ARFGAP1: variants seen among roughly 807,000 people sequenced by gnomAD.
The protein encoded by ARFGAP1 is ARF GTPase activating protein 1.
ARFGAP1 carries 26 observed loss-of-function variants against 54.0 expected under a neutral mutation model. The observed-to-expected ratio is 0.48, with a 90% CI of 0.35 to 0.67. The LOEUF (loss-of-function observed/expected upper bound fraction) is 0.67, where lower values mean the gene tolerates loss of function less well. Ranked by LOEUF, ARFGAP1 falls within the 30% of genes least tolerant of loss-of-function variation. ARFGAP1 has a pLI of 0.00. For missense variants in ARFGAP1, 525 were observed against 535.8 expected, an observed-to-expected ratio of 0.98 and a Z score of 0.20; for synonymous variants, 248 against 211.9, an observed-to-expected ratio of 1.17 and a Z score of -1.48.
In ARFGAP1 at chr20:63,278,902, C is replaced by G. The variant is rs775156874; in HGVS notation, c.534C>G (p.Ala178=). 1 of 1,614,138 alleles carries G rather than the reference C, an allele frequency of 6.2e-7. No homozygotes were observed. ...LNDDLGSYQG[A]QGNRYVGFGN... The stretch of plus-strand genomic sequence containing the variant: ...CTCTTGTCCGCTTTGTTTTCAGGGC[C>G]CAGGGGAATCGCTACGTGGGGTTTG... The change falls in exon 7 of 13, where the codon GCC becomes GCG. Residue 178 remains alanine (A), a synonymous_variant. Transcript: ENST00000370283.
chr20:63,277,330 G>C, intron 5 of ARFGAP1, 25 bp downstream of exon 5: 1 of 1,596,726 alleles, frequency 6.3e-7, no homozygotes, highest in Non-Finnish European at 8.5e-7. Flanking sequence ...TGGGGCCTTA[G>C]TACAGTTTCC....
chr20:63,287,584 A>G lies in ARFGAP1; in HGVS notation c.932A>G (p.Tyr311Cys), dbSNP rs1353157392. The G allele has an allele frequency of 2.5e-6, 4 of 1,595,396 alleles. No individual in the cohort carries two copies. The African/African-American group carries it at 4.0e-5, about 16-fold the overall frequency. The change falls in exon 13 of 13, where the codon TAT becomes TGT. Residue 311 changes from tyrosine (Y) to cysteine (C), a missense_variant. Tyr to Cys is a radical substitution (Grantham distance 194). Around this residue, in one of 3 missense-constraint regions of ARFGAP1, gnomAD observed 466 missense variants for 453.6 expected, o/e 1.03. Coordinates refer to ENST00000370283, the MANE Select transcript of ARFGAP1 (RefSeq NM_018209.4). Reference protein sequence around the residue: ...PLDSPSEGHSYQNSGLDHFQN... With the variant: ...PLDSPSEGHSCQNSGLDHFQN... Reference sequence around the variant, plus strand: ...AAAAGCCCCTCGGAGGGCCACAGTTATCAGAACAGCGGTCTGGACCACTTC... The same window carrying G: ...AAAAGCCCCTCGGAGGGCCACAGTTGTCAGAACAGCGGTCTGGACCACTTC...
chr20:63,282,898 T>C (rs763028494), intron 9 of ARFGAP1, 47 bp downstream of exon 9: 3 of 1,608,726 alleles, frequency 1.9e-6, no homozygotes, highest in Non-Finnish European at 2.6e-6. Context: ...GAAACTATCC[T>C]GAGTCTGACG....
intron 4 of ARFGAP1, among the ~76,000 whole-genome samples, 194 bp from the exon 5 acceptor site, chr20:63,277,011 C>G (rs935369195): frequency 6.6e-6 from 1 of 152,166 alleles, no homozygotes; most frequent in African/African-American, 2.4e-5. Context: ...CACTGTTGTT[C>G]ATTGTAAAGT....
At chr20:63,284,430 C>A (rs940251995) in intron 9 of ARFGAP1, 2 of 1,081,728 alleles carry the variant, frequency 1.8e-6, no homozygotes, top group African/African-American at 3.3e-5. Context: ...TCAGCAGCTT[C>A]TTCCTATGGC....
Position 63,278,265 on chromosome 20 carries a change from G to C in ARFGAP1, c.530+62G>C, listed in dbSNP as rs774106602. The C allele has an allele frequency of 3.2e-6, 5 of 1,566,390 alleles. No individual in the cohort carries two copies. In the South Asian group the frequency reaches 5.6e-5, roughly 17 times the overall value. On this transcript the variant is annotated intron_variant, in intron 6 of 12. Coordinates refer to ENST00000370283, the MANE Select transcript of ARFGAP1 (RefSeq NM_018209.4). The stretch of plus-strand genomic sequence containing the variant: ...CAGGCCCACAGGGTTCAGTCTGGTG[G>C]GTAGGGCTGCTTCCCTTGGGGCCTC...
At chr20:63,282,881 T>G in intron 9 of ARFGAP1, 30 bp downstream of exon 9, 4 of 1,613,640 alleles carry the variant, frequency 2.5e-6, no homozygotes, top group Non-Finnish European at 3.4e-6. Flanking sequence ...TGCACCCTGG[T>G]GCATCTGAAA....
intron 9 of ARFGAP1, 50 bp from the exon 10 acceptor site, chr20:63,284,816 T>A: frequency 1.2e-6 from 2 of 1,607,798 alleles, no homozygotes; most frequent in South Asian, 1.1e-5. Flanking sequence ...TGCCGACCCG[T>A]GTCCCGTGGT....
rs770597808 is a variant in ARFGAP1, at chr20:63,287,657, T to C, written c.1005T>C (p.Ala335=). 39 of 1,612,300 alleles carry C rather than the reference T, an allele frequency of 2.4e-5. No individual in the cohort carries two copies. Among genetic ancestry groups the C allele is most frequent in the Non-Finnish European group, 3.2e-5 (38 of 1,179,902 alleles). The change falls in exon 13 of 13, where the codon GCT becomes GCC. Residue 335 remains alanine, a synonymous_variant. Transcript: ENST00000370283. The part of the protein sequence containing the change: ...DQSFWETFGS[A]EPTKTRKSPS... Reference sequence around the variant, plus strand: ...GCTTCTGGGAGACCTTTGGAAGTGCTGAGCCCACCAAGACCCGCAAGTCCC... The same window carrying C: ...GCTTCTGGGAGACCTTTGGAAGTGCCGAGCCCACCAAGACCCGCAAGTCCC...
intron 9 of ARFGAP1, chr20:63,283,951 TC>T: frequency 6.3e-7 from 1 of 1,598,338 alleles, no homozygotes; most frequent in Non-Finnish European, 8.5e-7. Flanking sequence ...CCTCTGTCCC[TC>T]CTGCGTGCTG....
chr20:63,279,127 T>C, intron 7 of ARFGAP1, 132 bp downstream of exon 7: 1 of 901,688 alleles, frequency 1.1e-6, no homozygotes, highest in Non-Finnish European at 1.8e-6. Context: ...GACCCCTCCC[T>C]TACCTTCAGC....
chr20:63,277,225 C>T lies in ARFGAP1; in HGVS notation c.363C>T (p.Gly121=), dbSNP rs372071021. ...GTCAGGTGGTCGCTCTGGCCGAAGG[C>T]AGAGAGTGGTCTCTGGAGTCATCAC... is the stretch of plus-strand genomic sequence containing the variant. ...FRDKVVALAE[G]REWSLESSPA... Residue 121 remains glycine, a synonymous_variant, in exon 5 of 13, where the codon GGC becomes GGT. Transcript: ENST00000370283. 444 of 1,612,716 alleles carry T rather than the reference C, an allele frequency of 2.8e-4. No individual in the cohort carries two copies. The highest frequency in any genetic ancestry group is 6.3e-4 in the Admixed American group (38 of 60,002).
At chr20:63,275,246 G>T (rs1032831632) in intron 1 of ARFGAP1, among the ~76,000 whole-genome samples, 2 of 152,236 alleles carry the variant, frequency 1.3e-5, no homozygotes, top group Non-Finnish European at 2.9e-5. Flanking sequence ...CCTTGCTGTG[G>T]ATTTCACCAT....
intron 9 of ARFGAP1, chr20:63,283,821 C>T (rs1601359318): frequency 6.2e-7 from 1 of 1,613,428 alleles, no homozygotes. Context: ...CTTGCTCTCT[C>T]CTCACCTGTC....
In ARFGAP1 at chr20:63,287,977, AG is replaced by A; in HGVS notation, c.*105del. The A allele has an allele frequency of 7.7e-7, 1 of 1,293,934 alleles. No homozygotes were observed. The highest frequency in any genetic ancestry group is 1.0e-6 in the Non-Finnish European group (1 of 966,318). 80.2% of individuals were successfully genotyped at this position (1,293,934 alleles called of 1,614,324 possible). On this transcript the variant is annotated 3_prime_UTR_variant, in exon 13 of 13. Coordinates refer to ENST00000370283, the MANE Select transcript of ARFGAP1 (RefSeq NM_018209.4). ...ATTTGACCCAAGAATCAGCAACTGC[AG>A]TGTGAGGACAGCGTCTCGGGAGGCA...
chr20:63,283,229 G>A (rs532735820), intron 9 of ARFGAP1: 5 of 308,604 alleles, frequency 1.6e-5, no homozygotes, highest in Non-Finnish European at 3.0e-5. Flanking sequence ...CACACTGGAC[G>A]CGTCTGCACT....
Position 63,288,789 on chromosome 20 carries a change from G to A in ARFGAP1, c.*916G>A, listed in dbSNP as rs557838586. ...GCCACATGCCAACCCTCACCTCCCC[G>A]AGGACTGGATGATGTGCTGCCACGT... On this transcript the variant is annotated 3_prime_UTR_variant, in exon 13 of 13. Transcript: ENST00000370283. 24 of 340,204 alleles carry A rather than the reference G, an allele frequency of 7.1e-5. No homozygotes were observed. The East Asian group carries it at 7.6e-4, about 11-fold the overall frequency. 21.1% of individuals were successfully genotyped at this position (340,204 alleles called of 1,614,324 possible).
Position 63,285,594 on chromosome 20 carries a change from T to G in ARFGAP1, c.775-60T>G, listed in dbSNP as rs1022500623. 58 of 1,569,552 alleles carry G rather than the reference T, an allele frequency of 3.7e-5. No individual in the cohort carries two copies. The African/African-American group carries it at 7.2e-4, about 19-fold the overall frequency. On this transcript the variant is annotated intron_variant, in intron 10 of 12. Coordinates refer to ENST00000370283, the MANE Select transcript of ARFGAP1 (RefSeq NM_018209.4). ...CTCACCCGGGGGATTCCTGCACTCC[T>G]GAAGCTTTAAGCTTTCATCTCTCCC...
Position 63,288,406 on chromosome 20 carries a change from G to A in ARFGAP1, c.*533G>A, listed in dbSNP as rs770139796. On this transcript the variant is annotated 3_prime_UTR_variant, in exon 13 of 13. Coordinates refer to ENST00000370283, the MANE Select transcript of ARFGAP1 (RefSeq NM_018209.4). ...TGCCATCCGACCACCCTCGGCTCCCGAGTCCACGCCTGCCTGGGCCTGTGC... is the reference window on the plus strand; with the variant it reads ...TGCCATCCGACCACCCTCGGCTCCCAAGTCCACGCCTGCCTGGGCCTGTGC... 1.8e-5 allele frequency: 8 copies of A among 456,074 alleles called. No homozygotes were observed. The highest frequency in any genetic ancestry group is 4.7e-5 in the Admixed American group (2 of 42,556). The allele number at this position is 456,074 out of a possible 1,614,324, so 28.3% of individuals were successfully genotyped here. A position where few individuals can be genotyped will look rare whatever the true frequency, so the allele number is the denominator to read the frequency against.
Sources: gnomAD v4.1 joint callset for allele counts (sites outside exome capture counted in the v4.1 genomes callset) on GRCh38, gnomAD v4.1.1 for gene constraint, gnomAD v4.1.1 regional missense constraint, MANE v1.5 for transcripts, NCBI Gene and HGNC (gene_info 2026-07-23, HGNC 2026-07-21) for gene names.